Variants in SETD1A observed in about 807,000 individuals in gnomAD.
The protein encoded by SETD1A is histone-lysine N-methyltransferase SETD1A.
Under a neutral mutation model 149.9 loss-of-function variants are expected in SETD1A, and 29 were observed. That is an observed-to-expected ratio of 0.19 (90% CI 0.14 to 0.26). The LOEUF (loss-of-function observed/expected upper bound fraction) is 0.26. Among genes scored for constraint, SETD1A ranks in the 10% least tolerant of loss-of-function variants. SETD1A has a pLI of 1.00. For missense variants in SETD1A, 2,109 were observed against 2,353.1 expected, an observed-to-expected ratio of 0.90 and a Z score of 2.15; for synonymous variants, 1,141 against 968.5, an observed-to-expected ratio of 1.18 and a Z score of -3.31.
At chr16:30,977,517 T>C (rs1230516137) in intron 13 of SETD1A, among the ~76,000 whole-genome samples, 2 of 152,140 alleles carry the variant, frequency 1.3e-5, no homozygotes, top group Non-Finnish European at 2.9e-5. Context: ...GAGGGAAGTG[T>C]GTGTGCAGCA....
rs1270879591 is a variant in SETD1A, at chr16:30,984,438, TG to T, written c.*422del. The T allele has an allele frequency of 2.4e-5, 4 of 170,088 alleles. No individual in the cohort carries two copies. Among genetic ancestry groups the T allele is most frequent in the Non-Finnish European group, 2.6e-5 (2 of 78,160 alleles). 10.5% of individuals were successfully genotyped at this position (170,088 alleles called of 1,614,324 possible). Reference sequence around the variant, plus strand: ...TGGGGCAGTGGCCATGTTCTCCCCCTGGGGGGGCTCTGCACCCCCAGTCCTG... The same window carrying T: ...TGGGGCAGTGGCCATGTTCTCCCCCTGGGGGGCTCTGCACCCCCAGTCCTG... On this transcript the variant is annotated 3_prime_UTR_variant, in exon 19 of 19. Transcript: ENST00000262519.
chr16:30,964,696 A>C lies in SETD1A; in HGVS notation c.954A>C (p.Ser318=), dbSNP rs1260175630. ...CCCGCCGCCACTTCTCTGCATCTTC[A>C]GCCTCCACAACCGCCTCCACGGCCA... ...AFSRRHFSAS[S]ASTTASTAIA... Residue 318 remains serine (S), a synonymous_variant, in exon 7 of 19, where the codon TCA becomes TCC. Coordinates refer to ENST00000262519, the MANE Select transcript of SETD1A (RefSeq NM_014712.3). 1.2e-6 allele frequency: 2 copies of C among 1,613,936 alleles called. No individual in the cohort carries two copies. Among genetic ancestry groups the C allele is most frequent in the African/African-American group, 1.3e-5 (1 of 74,866 alleles).
chr16:30,977,905 A>C (rs2056303763), intron 13 of SETD1A, among the ~76,000 whole-genome samples: 1 of 152,182 alleles, frequency 6.6e-6, no homozygotes, highest in Admixed American at 6.5e-5. Flanking sequence ...AGCTCAACCC[A>C]CATGGCCTGG....
At position 30,980,285 on chromosome 16, in the gene SETD1A, C is replaced by T; in HGVS notation, c.4408+91C>T. ...TCTGTGCCCCACTCTGTCTGCCTCCCCTCTGGCTCCAAGCCATCTTTTCTC... is the reference window on the plus strand; with the variant it reads ...TCTGTGCCCCACTCTGTCTGCCTCCTCTCTGGCTCCAAGCCATCTTTTCTC... On this transcript the variant is annotated intron_variant, in intron 14 of 18. Transcript: ENST00000262519. This position sits in a 1 kb window ranked among gnomAD's most constrained non-coding sequence, Gnocchi z 7.7. 2 of 1,468,332 alleles carry T rather than the reference C, an allele frequency of 1.4e-6. No homozygotes were observed. The highest frequency in any genetic ancestry group is 2.4e-5 in the East Asian group (1 of 41,594). The allele number at this position is 1,468,332 out of a possible 1,614,324, so 91.0% of individuals were successfully genotyped here. A position where few individuals can be genotyped will look rare whatever the true frequency, so the allele number is the denominator to read the frequency against.
chr16:30,978,802 A>G (rs2056319234), intron 13 of SETD1A, among the ~76,000 whole-genome samples: 1 of 152,230 alleles, frequency 6.6e-6, no homozygotes, highest in South Asian at 2.1e-4. Flanking sequence ...TGGGTAGGAA[A>G]GTGGAGTCCA....
At position 30,971,505 on chromosome 16, in the gene SETD1A, GTCCTCATCCTCCTCGTCCTCTTCA is replaced by G; in HGVS notation, c.3150_3173del (p.Ser1051_Ser1058del). 1 of 1,613,242 alleles carries G rather than the reference GTCCTCATCCTCCTCGTCCTCTTCA, an allele frequency of 6.2e-7. No individual in the cohort carries two copies. Among genetic ancestry groups the G allele is most frequent in the Non-Finnish European group, 8.5e-7 (1 of 1,179,690 alleles). On this transcript the variant is annotated inframe_deletion, in exon 13 of 19. Coordinates refer to ENST00000262519, the MANE Select transcript of SETD1A (RefSeq NM_014712.3). ...GCTCCTCATCCTCCTCCTCCTCCTC[GTCCTCATCCTCCTCGTCCTCTTCA>G]TCCTCTGAGTCCTCCTCTGAAGATG...
chr16:30,958,511 A>G (rs2055998406), intron 1 of SETD1A: 1 of 571,094 alleles, frequency 1.8e-6, no homozygotes, highest in Admixed American at 3.1e-5. Flanking sequence ...GGGGCCTGAC[A>G]GTAGAGTTGG....
Position 30,981,131 on chromosome 16 carries a change from T to A in SETD1A, c.4763T>A (p.Ile1588Asn). ...TGGGGTCTGTTTGCCATGGAACCCA[T>A]TGCTGCTGACGAGATGGTCATCGAA... ...HEWGLFAMEP[I>N]AADEMVIEYV... The change falls in exon 17 of 19, where the codon ATT becomes AAT. Residue 1588 changes from isoleucine (I) to asparagine (N), a missense_variant. By Grantham distance (149) the Ile-to-Asn change is moderately radical (BLOSUM62 -3). Transcript: ENST00000262519. 6.2e-7 allele frequency: 1 copy of A among 1,614,162 alleles called. No individual in the cohort carries two copies.
In SETD1A at chr16:30,979,132, G is replaced by A. The variant is rs928607297; in HGVS notation, c.3359-13G>A. ...CCCTGACCTCCTTTCCTTCCTATGT[G>A]CTTCCTTCCCAGGCCCCACGGAGGA... On this transcript the variant is annotated splice_polypyrimidine_tract_variant and intron_variant, in intron 13 of 18. Transcript: ENST00000262519. The A allele has an allele frequency of 5.9e-6, 9 of 1,536,556 alleles. No homozygotes were observed. Among genetic ancestry groups the A allele is most frequent in the Admixed American group, 2.0e-5 (1 of 50,444 alleles).
At position 30,979,901 on chromosome 16, in the gene SETD1A, A is replaced by G. The variant is rs1375259356; in HGVS notation, c.4115A>G (p.Glu1372Gly). Residue 1372 changes from glutamate to glycine, a missense_variant, in exon 14 of 19, where the codon GAG becomes GGG. Transcript: ENST00000262519. ...GAGGGGGAGGAAGAGGGGGAGGAAG[A>G]GGAGGAGGAGTCCTCTGACAGCAGC... is the stretch of plus-strand genomic sequence containing the variant. ...EEEGEEEGEE[E>G]EEESSDSSSS... 1.3e-6 allele frequency: 2 copies of G among 1,533,838 alleles called. No homozygotes were observed. Among genetic ancestry groups the G allele is most frequent in the Non-Finnish European group, 1.7e-6 (2 of 1,145,942 alleles).
intron 12 of SETD1A, 91 bp downstream of exon 12, chr16:30,969,780 C>T: frequency 9.7e-7 from 1 of 1,026,266 alleles, no homozygotes. Flanking sequence ...GACCTTCCTG[C>T]TGGGCTTGTG....
chr16:30,964,680 A>G lies in SETD1A; in HGVS notation c.938A>G (p.His313Arg), dbSNP rs761641532. The change falls in exon 7 of 19, where the codon CAC becomes CGC. Residue 313 changes from histidine to arginine, a missense_variant. By Grantham distance (29) the His-to-Arg change is conservative. Coordinates refer to ENST00000262519, the MANE Select transcript of SETD1A (RefSeq NM_014712.3). The part of the protein sequence containing the change: ...NSYQDAFSRR[H>R]FSASSASTTA... Reference sequence around the variant, plus strand: ...TACCAAGATGCCTTTTCCCGCCGCCACTTCTCTGCATCTTCAGCCTCCACA... The same window carrying G: ...TACCAAGATGCCTTTTCCCGCCGCCGCTTCTCTGCATCTTCAGCCTCCACA... 1 of 1,613,954 alleles carries G rather than the reference A, an allele frequency of 6.2e-7. No homozygotes were observed. The highest frequency in any genetic ancestry group is 1.1e-5 in the South Asian group (1 of 91,080).
chr16:30,980,773 A>G lies in SETD1A; in HGVS notation c.4616A>G (p.Glu1539Gly). The G allele has an allele frequency of 6.2e-7, 1 of 1,612,810 alleles. No homozygotes were observed. The highest frequency in any genetic ancestry group is 1.7e-5 in the Admixed American group (1 of 59,966). The change falls in exon 16 of 19, where the codon GAG becomes GGG. Residue 1539 changes from glutamate to glycine, a missense_variant. This residue lies in a region of SETD1A where 254 missense variants were observed against 409.3 expected (regional missense o/e 0.62). Transcript: ENST00000262519. This position sits in a 1 kb window ranked among gnomAD's most constrained non-coding sequence, Gnocchi z 7.7. ...TNRVLSERRS[E>G]QRRLLSAIGT... Reference sequence around the variant, plus strand: ...CGCGTGCTGTCCGAGCGCCGGTCCGAGCAGCGGCGGCTGCTGAGCGCCATC... The same window carrying G: ...CGCGTGCTGTCCGAGCGCCGGTCCGGGCAGCGGCGGCTGCTGAGCGCCATC...
rs2056132797 is a variant in SETD1A, at chr16:30,965,728, C to G, written c.1847C>G (p.Pro616Arg). The change falls in exon 8 of 19, where the codon CCC becomes CGC. Residue 616 changes from proline to arginine, a missense_variant. Transcript: ENST00000262519. ...CCCCCTCCCCCGCCGCCTCCTCCTC[C>G]CTACCTGGCGTCCCTTCCTCTTGGT... ...PPPPPPPPPP[P>R]YLASLPLGYP... 1.9e-6 allele frequency: 3 copies of G among 1,587,898 alleles called. No individual in the cohort carries two copies. The highest frequency in any genetic ancestry group is 3.5e-5 in the Admixed American group (2 of 57,750).
Position 30,967,503 on chromosome 16 carries a change from A to G in SETD1A, c.2685A>G (p.Val895=), listed in dbSNP as rs2056164438. The part of the protein sequence containing the change: ...RGALRLPSFK[V]KRKEPSEISE... ...CCCATCTTTTCCCCATCCCCCAGGTAAAGCGGAAAGAGCCATCGGAAATTT... is the reference window on the plus strand; with the variant it reads ...CCCATCTTTTCCCCATCCCCCAGGTGAAGCGGAAAGAGCCATCGGAAATTT... Residue 895 remains valine (V), a splice_region_variant and synonymous_variant, in exon 10 of 19, where the codon GTA becomes GTG. Transcript: ENST00000262519. 1 of 1,613,650 alleles carries G rather than the reference A, an allele frequency of 6.2e-7. No homozygotes were observed. The highest frequency in any genetic ancestry group is 8.5e-7 in the Non-Finnish European group (1 of 1,179,802).
At position 30,983,835 on chromosome 16, in the gene SETD1A, C is replaced by T; in HGVS notation, c.4951-15C>T. The T allele has an allele frequency of 1.2e-6, 2 of 1,610,182 alleles. No individual in the cohort carries two copies. Among genetic ancestry groups the T allele is most frequent in the Non-Finnish European group, 1.7e-6 (2 of 1,177,682 alleles). The stretch of plus-strand genomic sequence containing the variant: ...GGTGGGGGTGGCCACGGCTCACACG[C>T]CCTTCCATCCGCAGCCTAACTGCTA... On this transcript the variant is annotated splice_polypyrimidine_tract_variant and intron_variant, in intron 18 of 18. Coordinates refer to ENST00000262519, the MANE Select transcript of SETD1A (RefSeq NM_014712.3). The surrounding 1 kb of genome is among the most constrained non-coding windows in gnomAD (Gnocchi z 6.8).
chr16:30,969,190 C>G, intron 10 of SETD1A, 115 bp from the exon 11 acceptor site: 1 of 1,058,870 alleles, frequency 9.4e-7, no homozygotes, highest in Non-Finnish European at 1.4e-6. Context: ...AAATTCTCAT[C>G]TGTGAAATGA....
Position 30,983,173 on chromosome 16 carries a change from C to A in SETD1A, c.4813-462C>A, listed in dbSNP as rs980388037. On this transcript the variant is annotated intron_variant, in intron 17 of 18. Coordinates refer to ENST00000262519, the MANE Select transcript of SETD1A (RefSeq NM_014712.3). This position sits in a 1 kb window ranked among gnomAD's most constrained non-coding sequence, Gnocchi z 6.8. ...AAGGGTTGCTCCTCACACGGAGGTG[C>A]GGGGCCTGACATGGGCGGCCTGCCA... 1.3e-5 allele frequency among the ~76,000 whole-genome samples: 2 copies of A among 152,272 alleles called. No individual in the cohort carries two copies. Among genetic ancestry groups the A allele is most frequent in the East Asian group, 1.9e-4 (1 of 5,178 alleles).
At chr16:30,967,820 T>C (rs2056169031) in intron 10 of SETD1A, among the ~76,000 whole-genome samples, 1 of 152,194 alleles carries the variant, frequency 6.6e-6, no homozygotes, top group African/African-American at 2.4e-5. Flanking sequence ...TTTTGGGTTT[T>C]TCCATCCATG....
Sources: gnomAD v4.1 joint callset for allele counts (sites outside exome capture counted in the v4.1 genomes callset) on GRCh38, gnomAD v4.1.1 for gene constraint, gnomAD v4.1.1 regional missense constraint, Gnocchi (gnomAD v3.1) non-coding constraint, MANE v1.5 for transcripts, NCBI Gene and HGNC (gene_info 2026-07-23, HGNC 2026-07-21) for gene names.